AGBL1: variants seen among roughly 807,000 people sequenced by gnomAD.
The protein encoded by AGBL1 is AGBL carboxypeptidase 1, also known as cytosolic carboxypeptidase 4.
A neutral mutation model predicts 118.9 loss-of-function variants in AGBL1; 130 were observed. The ratio of observed to expected loss-of-function variants is 1.09; its 90% CI spans 0.95 to 1.26. The LOEUF is 1.26. Ranked by LOEUF, AGBL1 falls within the 50% of genes most tolerant of loss-of-function variation. The probability of loss-of-function intolerance (pLI) is 0.00; values close to 1 mark genes in which losing one functional copy is unlikely to be tolerated. For missense variants in AGBL1, 1,584 were observed against 1,298.1 expected (o/e 1.22, Z -3.38); for synonymous variants, 555 against 478.9 (o/e 1.16, Z -2.08).
intron 22 of AGBL1, among the ~76,000 whole-genome samples, chr15:86,716,208 C>T (rs1048141163): frequency 5.3e-5 from 8 of 152,078 alleles, no homozygotes; most frequent in African/African-American, 1.9e-4. Context: ...CAGTCTAGGT[C>T]TTTCTCAAAA....
At chr15:86,412,629 A>C (rs1165442935) in intron 18 of AGBL1, among the ~76,000 whole-genome samples, 2 of 152,156 alleles carry the variant, frequency 1.3e-5, no homozygotes, top group African/African-American at 4.8e-5. Context: ...CCTAAACTTC[A>C]AGTGCATTTA....
At chr15:86,643,278 C>T (rs1272575193) in intron 21 of AGBL1, among the ~76,000 whole-genome samples, 1 of 152,042 alleles carries the variant, frequency 6.6e-6, no homozygotes, top group East Asian at 1.9e-4. Flanking sequence ...GTTTATTGAT[C>T]AATTTAGGTT....
At chr15:86,276,331 A>G (rs1294537870) in intron 15 of AGBL1, among the ~76,000 whole-genome samples, 2 of 152,216 alleles carry the variant, frequency 1.3e-5, no homozygotes, top group Non-Finnish European at 2.9e-5. Context: ...TAAGCCTACA[A>G]CTGGGGTTGA....
At chr15:86,608,718 G>A (rs568154996) in intron 21 of AGBL1, among the ~76,000 whole-genome samples, 95 of 152,312 alleles carry the variant, frequency 6.2e-4, no homozygotes, top group African/African-American at 2.1e-3. Context: ...CTGCTATTCA[G>A]TGTCAGTCAG....
At chr15:86,291,208 G>C (rs1414792094) in intron 16 of AGBL1, among the ~76,000 whole-genome samples, 2 of 152,178 alleles carry the variant, frequency 1.3e-5, no homozygotes, top group African/African-American at 4.8e-5. Context: ...TTGCTCATGA[G>C]CAAAAACTTG....
At position 86,886,549 on chromosome 15, in the gene AGBL1, G is replaced by T. The variant is rs190663659; in HGVS notation, c.3159-20538G>T. ...GGGCATATTCTATATATAAGACAAA[G>T]GATAAGAACCATAAGGATTATGAAT... is the stretch of plus-strand genomic sequence containing the variant. On this transcript the variant is annotated intron_variant, in intron 22 of 22. Transcript: ENST00000614907. Among the ~76,000 whole-genome samples the T allele has an allele frequency of 6.3e-4, 96 of 152,262 alleles. 1 individual carries two copies. The highest frequency in any genetic ancestry group is 2.2e-3 in the African/African-American group (92 of 41,566).
intron 22 of AGBL1, among the ~76,000 whole-genome samples, chr15:86,791,728 T>TTTTATATATATATATATATATATATATA (rs1555450536): frequency 7.0e-6 from 1 of 142,874 alleles, no homozygotes; most frequent in African/African-American, 2.6e-5. Flanking sequence ...TCCTTGTTTT[T>TTTTATATATATATATATATATATATATA]TATATATATA....
intron 23 of AGBL1, among the ~76,000 whole-genome samples, chr15:86,968,656 C>T (rs1045415925): frequency 6.6e-6 from 1 of 151,904 alleles, no homozygotes; most frequent in East Asian, 1.9e-4. Context: ...CTTCAGCCAC[C>T]TCCCTTATCC....
chr15:86,163,703 G>C lies in AGBL1; in HGVS notation c.488+4677G>C, dbSNP rs556225765. On this transcript the variant is annotated intron_variant, in intron 5 of 22. Transcript: ENST00000614907. ...AGATCACACCACTGCACTCCAGCCT[G>C]TGAGACAGAGTGAGATTCTGTCTCA... is the stretch of plus-strand genomic sequence containing the variant. 4.6e-5 allele frequency among the ~76,000 whole-genome samples: 7 copies of C among 152,048 alleles called. No homozygotes were observed. The East Asian group carries it at 1.4e-3, about 29-fold the overall frequency.
At position 86,464,301 on chromosome 15, in the gene AGBL1, C is replaced by T. The variant is rs1383940630; in HGVS notation, c.2556-58509C>T. 2.6e-5 allele frequency among the ~76,000 whole-genome samples: 4 copies of T among 152,240 alleles called. No homozygotes were observed. The East Asian group carries it at 7.7e-4, about 29-fold the overall frequency. On this transcript the variant is annotated intron_variant, in intron 18 of 22. Coordinates refer to ENST00000614907, the MANE Select transcript of AGBL1 (RefSeq NM_001386094.1). ...TGCACATTAATTTTGTATCCTGAGA[C>T]TTTGCTGAAGTTGCTTATGAGCTTA...
At chr15:86,196,840 T>C (rs2077811443) in intron 5 of AGBL1, among the ~76,000 whole-genome samples, 1 of 149,654 alleles carries the variant, frequency 6.7e-6, no homozygotes, top group Non-Finnish European at 1.5e-5. Flanking sequence ...TCTTTCCTCC[T>C]CTCCCTGCAT....
chr15:86,367,710 A>G (rs1487902184), intron 17 of AGBL1, among the ~76,000 whole-genome samples: 1 of 152,198 alleles, frequency 6.6e-6, no homozygotes. Flanking sequence ...TCCCATATTT[A>G]CAAGTGTGAT....
At chr15:86,632,430 C>CGA (rs2084989296) in intron 21 of AGBL1, among the ~76,000 whole-genome samples, 1 of 151,948 alleles carries the variant, frequency 6.6e-6, no homozygotes, top group African/African-American at 2.4e-5. Flanking sequence ...GCAACAAGAG[C>CGA]GAAACTCTGT....
intron 22 of AGBL1, among the ~76,000 whole-genome samples, chr15:86,898,033 G>T (rs568957111): frequency 4.0e-5 from 6 of 151,878 alleles, no homozygotes; most frequent in Admixed American, 3.3e-4. Context: ...CACACCTACC[G>T]AGTGCTGGGA....
intron 5 of AGBL1, among the ~76,000 whole-genome samples, chr15:86,215,221 ATGCGTGTGTGTGTGTG>A (rs1435907300): frequency 8.8e-5 from 11 of 124,774 alleles, no homozygotes; most frequent in East Asian, 4.4e-4. Context: ...GTGTATATGT[ATGCGTGTGTGTGTGTG>A]TGTGTGTGTG....
chr15:86,540,328 T>G (rs1264903004), intron 19 of AGBL1, among the ~76,000 whole-genome samples: 1 of 152,146 alleles, frequency 6.6e-6, no homozygotes, highest in Non-Finnish European at 1.5e-5. Context: ...GAGCGGTGGC[T>G]CACACCTGTA....
chr15:86,783,911 G>A (rs755329572), intron 22 of AGBL1, among the ~76,000 whole-genome samples: 7 of 152,176 alleles, frequency 4.6e-5, no homozygotes, highest in East Asian at 3.9e-4. Flanking sequence ...GATTACAGGC[G>A]TGAGCCACCA....
At chr15:86,139,080 T>C (rs1597445381) in intron 1 of AGBL1, among the ~76,000 whole-genome samples, 1 of 152,154 alleles carries the variant, frequency 6.6e-6, no homozygotes, top group East Asian at 1.9e-4. Context: ...TGGAGGATGG[T>C]GTGGACTTGG....
At chr15:86,602,738 A>T (rs1179533113) in intron 21 of AGBL1, among the ~76,000 whole-genome samples, 1 of 152,198 alleles carries the variant, frequency 6.6e-6, no homozygotes, top group East Asian at 1.9e-4. Context: ...AACTAGGGAA[A>T]CGTCTTTGGA....
Sources: gnomAD v4.1 joint callset for allele counts (sites outside exome capture counted in the v4.1 genomes callset) on GRCh38, gnomAD v4.1.1 for gene constraint, MANE v1.5 for transcripts, NCBI Gene and HGNC (gene_info 2026-07-23, HGNC 2026-07-21) for gene names.